Variants in HS6ST3 observed in about 807,000 individuals in gnomAD.
HS6ST3 encodes heparan sulfate 6-O-sulfotransferase 3, also known as heparan-sulfate 6-O-sulfotransferase 3.
In HS6ST3, 12 loss-of-function variants were observed where a neutral mutation model predicts 36.7. That is an observed-to-expected ratio of 0.33 (90% confidence interval 0.21 to 0.53). The LOEUF is 0.53. Ranked by LOEUF, HS6ST3 falls within the 20% of genes least tolerant of loss-of-function variation. The pLI is 0.95. For missense variants in HS6ST3, 584 were observed against 640.9 expected (o/e 0.91, Z 0.96); for synonymous variants, 240 against 257.5 (o/e 0.93, Z 0.65).
At chr13:96,693,227 G>C (rs1343279070) in intron 1 of HS6ST3, among the ~76,000 whole-genome samples, 1 of 152,110 alleles carries the variant, frequency 6.6e-6, no homozygotes, top group African/African-American at 2.4e-5. Flanking sequence ...GCTCATCATT[G>C]AATATGGAAC....
intron 1 of HS6ST3, among the ~76,000 whole-genome samples, chr13:96,215,208 C>T (rs761990445): frequency 3.9e-5 from 6 of 152,264 alleles, no homozygotes; most frequent in Admixed American, 2.0e-4. Flanking sequence ...CAACTGGTGA[C>T]GCTGCATATC....
intron 1 of HS6ST3, among the ~76,000 whole-genome samples, chr13:96,583,765 A>G (rs531067056): frequency 6.6e-6 from 1 of 152,142 alleles, no homozygotes; most frequent in East Asian, 1.9e-4. Flanking sequence ...TCATCAGTCA[A>G]GTCTTAACTC....
In HS6ST3 at chr13:96,779,316, C is replaced by CAATAATAAT. The variant is rs67524779; in HGVS notation, c.708-53149_708-53141dup. Among the ~76,000 whole-genome samples, 257 of 147,468 alleles carry CAATAATAAT rather than the reference C, an allele frequency of 1.7e-3. 2 individuals are homozygous for CAATAATAAT. Among genetic ancestry groups the CAATAATAAT allele is most frequent in the African/African-American group, 6.0e-3 (239 of 39,908 alleles). On this transcript the variant is annotated intron_variant, in intron 1 of 1. Transcript: ENST00000376705. ...ACATGTATTCCAGAACTTAAAGTAT[C>CAATAATAAT]AATAATAATAATAATAATAATAATA... is the stretch of plus-strand genomic sequence containing the variant.
At chr13:96,773,391 G>C (rs1877314672) in intron 1 of HS6ST3, among the ~76,000 whole-genome samples, 1 of 147,970 alleles carries the variant, frequency 6.8e-6, no homozygotes, top group Non-Finnish European at 1.5e-5. Context: ...CCCCTATGGA[G>C]CCCCCTATGG....
chr13:96,144,717 T>C (rs946641554), intron 1 of HS6ST3, among the ~76,000 whole-genome samples: 1 of 151,574 alleles, frequency 6.6e-6, no homozygotes, highest in Admixed American at 6.6e-5. Context: ...TGTATACATG[T>C]GCCATGTTGG....
At chr13:96,447,142 C>T (rs1175756624) in intron 1 of HS6ST3, among the ~76,000 whole-genome samples, 2 of 152,156 alleles carry the variant, frequency 1.3e-5, no homozygotes, top group African/African-American at 4.8e-5. Flanking sequence ...CAACTTCTAT[C>T]TTCTTGTTAG....
intron 1 of HS6ST3, among the ~76,000 whole-genome samples, chr13:96,121,308 G>T (rs1213069139): frequency 2.6e-5 from 4 of 152,148 alleles, no homozygotes; most frequent in Non-Finnish European, 2.9e-5. Flanking sequence ...GGGTTTCTTG[G>T]TGAAGTTTAT....
At chr13:96,275,863 T>A (rs1161509248) in intron 1 of HS6ST3, among the ~76,000 whole-genome samples, 1 of 151,872 alleles carries the variant, frequency 6.6e-6, no homozygotes, top group Non-Finnish European at 1.5e-5. Flanking sequence ...CTCTTTTTTT[T>A]TTTTTTTGGT....
rs1036863212 is a variant in HS6ST3 at position 96,091,680 on chromosome 13, G to A, written c.707+111G>A. On this transcript the variant is annotated intron_variant, in intron 1 of 1. Transcript: ENST00000376705. ...CTGCCCCTGCCGATGGTTTCCTGGC[G>A]TCTTCAGCGGTTGGCGCCGTGGCTT... is the stretch of plus-strand genomic sequence containing the variant. 3 of 1,396,232 alleles carry A rather than the reference G, an allele frequency of 2.1e-6. No homozygotes were observed. The African/African-American group carries it at 4.4e-5, about 20-fold the overall frequency. The allele number at this position is 1,396,232 out of a possible 1,614,324, so 86.5% of individuals were successfully genotyped here. A position where few individuals can be genotyped will look rare whatever the true frequency, so the allele number is the denominator to read the frequency against.
intron 1 of HS6ST3, among the ~76,000 whole-genome samples, chr13:96,416,184 T>C (rs911546696): frequency 6.6e-5 from 10 of 152,168 alleles, no homozygotes; most frequent in African/African-American, 2.4e-4. Context: ...ATTTAGGAGA[T>C]TTTCAGAGCA....
intron 1 of HS6ST3, among the ~76,000 whole-genome samples, chr13:96,134,834 G>A (rs76546774): frequency 0.02 from 3,057 of 152,258 alleles, 88 homozygotes; most frequent in African/African-American, 0.068. Flanking sequence ...AGAATTGCAT[G>A]TGACACATTT....
At chr13:96,362,770 A>G (rs750871324) in intron 1 of HS6ST3, among the ~76,000 whole-genome samples, 3 of 152,246 alleles carry the variant, frequency 2.0e-5, no homozygotes, top group Non-Finnish European at 4.4e-5. Flanking sequence ...TAATAGTTAA[A>G]CAATCTGTGA....
intron 1 of HS6ST3, among the ~76,000 whole-genome samples, chr13:96,417,957 T>C (rs2055543164): frequency 6.6e-6 from 1 of 152,128 alleles, no homozygotes; most frequent in African/African-American, 2.4e-5. Flanking sequence ...ACGTGGACAT[T>C]TCCACTTGTG....
intron 1 of HS6ST3, among the ~76,000 whole-genome samples, chr13:96,269,349 T>A (rs2054708379): frequency 6.6e-6 from 1 of 152,060 alleles, no homozygotes; most frequent in Admixed American, 6.6e-5. Context: ...TTACAATTTA[T>A]TACAATAGAA....
intron 1 of HS6ST3, among the ~76,000 whole-genome samples, chr13:96,641,492 T>G (rs1393503829): frequency 1.3e-5 from 2 of 151,854 alleles, no homozygotes; most frequent in African/African-American, 4.8e-5. Flanking sequence ...AAACATTCAC[T>G]CCATTTATAT....
At chr13:96,689,867 AT>A (rs575009367) in intron 1 of HS6ST3, among the ~76,000 whole-genome samples, 22 of 151,930 alleles carry the variant, frequency 1.4e-4, no homozygotes, top group African/African-American at 5.1e-4. Context: ...TCCAGTTTTG[AT>A]TTTGCATTAA....
chr13:96,226,461 G>A (rs901350693), intron 1 of HS6ST3, among the ~76,000 whole-genome samples: 1 of 152,130 alleles, frequency 6.6e-6, no homozygotes, highest in South Asian at 2.1e-4. Flanking sequence ...CGGAGGTTGC[G>A]GTAAGCCAAG....
chr13:96,755,363 T>C (rs576229180), intron 1 of HS6ST3, among the ~76,000 whole-genome samples: 51 of 148,988 alleles, frequency 3.4e-4, no homozygotes, highest in Non-Finnish European at 6.0e-4. Flanking sequence ...TTTGTTTTTG[T>C]TTTTGTTTTT....
At chr13:96,684,770 T>G (rs1594835548) in intron 1 of HS6ST3, among the ~76,000 whole-genome samples, 1 of 152,026 alleles carries the variant, frequency 6.6e-6, no homozygotes, top group African/African-American at 2.4e-5. Flanking sequence ...ATACAGCTAA[T>G]TACAATGCAC....
Sources: allele counts gnomAD v4.1 joint callset (sites outside exome capture counted in the v4.1 genomes callset), GRCh38; gene constraint gnomAD v4.1.1; transcripts MANE v1.5; gene names NCBI Gene and HGNC (gene_info 2026-07-23, HGNC 2026-07-21).